KCNJ15: variants seen among roughly 807,000 people sequenced by gnomAD.
KCNJ15 encodes the protein potassium inwardly rectifying channel subfamily J member 15, also known as ATP-sensitive inward rectifier potassium channel 15.
In KCNJ15, 14 loss-of-function variants were observed where a neutral mutation model predicts 23.0. The ratio of observed to expected loss-of-function variants is 0.61; its 90% CI spans 0.40 to 0.95. The LOEUF (loss-of-function observed/expected upper bound fraction) is 0.95, where lower values mean the gene tolerates loss of function less well. Ranked by LOEUF, KCNJ15 falls within the 40% of genes least tolerant of loss-of-function variation. The probability of loss-of-function intolerance (pLI) is 0.00; values close to 1 mark genes in which losing one functional copy is unlikely to be tolerated. For synonymous variants in KCNJ15, 185 were observed against 183.2 expected, an observed-to-expected ratio of 1.01 and a Z score of -0.08; for missense variants, 388 against 461.8, an observed-to-expected ratio of 0.84 and a Z score of 1.46.
intron 1 of KCNJ15, among the ~76,000 whole-genome samples, chr21:38,282,616 T>C (rs1351623543): frequency 1.3e-5 from 2 of 152,162 alleles, no homozygotes; most frequent in African/African-American, 4.8e-5. Context: ...CTGGGATTCC[T>C]CTCTGACCTA....
intron 1 of KCNJ15, among the ~76,000 whole-genome samples, chr21:38,291,406 C>G (rs1984602709): frequency 6.6e-6 from 1 of 152,132 alleles, no homozygotes; most frequent in Non-Finnish European, 1.5e-5. Context: ...TTTTTTCCAG[C>G]AATTCTCAAC....
intron 1 of KCNJ15, among the ~76,000 whole-genome samples, chr21:38,243,458 A>ATCACTCCG (rs111986589): frequency 6.6e-6 from 1 of 151,320 alleles, no homozygotes; most frequent in Non-Finnish European, 1.5e-5. Context: ...GAGATGGAGT[A>ATCACTCCG]TCACCCAGGC....
At chr21:38,250,898 T>A (rs980950477) in intron 1 of KCNJ15, among the ~76,000 whole-genome samples, 1 of 152,198 alleles carries the variant, frequency 6.6e-6, no homozygotes, top group Non-Finnish European at 1.5e-5. Flanking sequence ...TCTTGGAGTG[T>A]TGGGTTCAAA....
Position 38,306,800 on chromosome 21 carries a change from A to G in KCNJ15, c.*6411A>G, listed in dbSNP as rs1350352758. 6.6e-6 allele frequency: 1 copy of G among 152,232 alleles called. No individual in the cohort carries two copies. Among genetic ancestry groups the G allele is most frequent in the African/African-American group, 2.4e-5 (1 of 41,464 alleles). 9.4% of individuals were successfully genotyped at this position (152,232 alleles called of 1,614,324 possible). On this transcript the variant is annotated 3_prime_UTR_variant, in exon 3 of 3. Coordinates refer to ENST00000398938, the MANE Select transcript of KCNJ15 (RefSeq NM_170736.3). ...TAAGTTACAAAAATAAGGCTTTTGT[A>G]AACAGAATCTCCATTCCAGAAGGAC...
At chr21:38,247,402 A>G (rs957427431) in intron 1 of KCNJ15, among the ~76,000 whole-genome samples, 1 of 151,988 alleles carries the variant, frequency 6.6e-6, no homozygotes, top group African/African-American at 2.4e-5. Flanking sequence ...GGATAAACGG[A>G]TGGATAGATG....
rs1181634311 is a variant in KCNJ15 at position 38,300,751 on chromosome 21, A to G, written c.*362A>G. ...TCTATACAAGATTATTAGCTGTAAT[A>G]CAAGATATTTATTTAACCAATGACC... On this transcript the variant is annotated 3_prime_UTR_variant, in exon 3 of 3. Coordinates refer to ENST00000398938, the MANE Select transcript of KCNJ15 (RefSeq NM_170736.3). 5.1e-6 allele frequency: 1 copy of G among 197,752 alleles called. No individual in the cohort carries two copies. The highest frequency in any genetic ancestry group is 2.4e-5 in the African/African-American group (1 of 42,268). The allele number at this position is 197,752 out of a possible 1,614,324, so 12.2% of individuals were successfully genotyped here. A position where few individuals can be genotyped will look rare whatever the true frequency, so the allele number is the denominator to read the frequency against.
chr21:38,282,982 G>A (rs1983516383), intron 1 of KCNJ15, among the ~76,000 whole-genome samples: 1 of 152,106 alleles, frequency 6.6e-6, no homozygotes, highest in Admixed American at 6.5e-5. Flanking sequence ...GAAGAAATAT[G>A]GAATAAAGGG....
rs931634121 is a variant in KCNJ15, at chr21:38,296,983, T to G, written c.-59T>G. The G allele has an allele frequency of 6.5e-6, 1 of 152,692 alleles. No individual in the cohort carries two copies. The highest frequency in any genetic ancestry group is 2.4e-5 in the African/African-American group (1 of 41,424). The allele number at this position is 152,692 out of a possible 1,614,324, so 9.5% of individuals were successfully genotyped here. A position where few individuals can be genotyped will look rare whatever the true frequency, so the allele number is the denominator to read the frequency against. On this transcript the variant is annotated 5_prime_UTR_variant, in exon 2 of 3. Transcript: ENST00000398938. ...TGAAGGGGAGCGAGGACGTTCTACC[T>G]GCCTTGAAGAAGACACCTGACCTGC...
intron 1 of KCNJ15, among the ~76,000 whole-genome samples, chr21:38,266,897 C>G (rs2123629540): frequency 6.6e-6 from 1 of 152,300 alleles, no homozygotes; most frequent in East Asian, 1.9e-4. Flanking sequence ...ACCCTTAAGC[C>G]TCTGCTGCAG....
chr21:38,259,966 C>G (rs976976597), intron 1 of KCNJ15, among the ~76,000 whole-genome samples: 10 of 152,114 alleles, frequency 6.6e-5, no homozygotes, highest in African/African-American at 2.4e-4. Context: ...TAAAAGAACA[C>G]AAGGAGCCTG....
At chr21:38,243,163 T>G (rs377122873) in intron 1 of KCNJ15, among the ~76,000 whole-genome samples, 1 of 152,146 alleles carries the variant, frequency 6.6e-6, no homozygotes, top group Non-Finnish European at 1.5e-5. Context: ...ACTTTAAAAT[T>G]GTTTATCTTC....
intron 1 of KCNJ15, among the ~76,000 whole-genome samples, chr21:38,273,305 C>G (rs902670146): frequency 6.6e-6 from 1 of 152,174 alleles, no homozygotes; most frequent in Admixed American, 6.5e-5. Context: ...CTGGTTAACT[C>G]TTACTGGCAA....
chr21:38,243,049 T>G (rs1017842137), intron 1 of KCNJ15, among the ~76,000 whole-genome samples: 4 of 152,224 alleles, frequency 2.6e-5, no homozygotes, highest in African/African-American at 9.7e-5. Flanking sequence ...TTCAGCTCAG[T>G]TATTGAACTT....
Position 38,299,219 on chromosome 21 carries a change from G to A in KCNJ15, c.-18-25G>A. 1 of 1,545,308 alleles carries A rather than the reference G, an allele frequency of 6.5e-7. No individual in the cohort carries two copies. Among genetic ancestry groups the A allele is most frequent in the Admixed American group, 1.9e-5 (1 of 53,610 alleles). ...AAGTTCCACCACATATGGCGATAAT[G>A]AAACATCTTTGTCATTTCTCTAAGT... is the stretch of plus-strand genomic sequence containing the variant. On this transcript the variant is annotated intron_variant, in intron 2 of 2. Transcript: ENST00000398938. The surrounding 1 kb of genome is among the most constrained non-coding windows in gnomAD (Gnocchi z 4.5).
Position 38,275,501 on chromosome 21 carries a change from G to A in KCNJ15, c.-117+18316G>A, listed in dbSNP as rs1435541772. 7.0e-4 allele frequency among the ~76,000 whole-genome samples: 92 copies of A among 131,734 alleles called. 1 individual carries two copies. The highest frequency in any genetic ancestry group is 4.9e-3 in the Middle Eastern group (1 of 206). 86.4% of individuals were successfully genotyped at this position (131,734 alleles called of 152,430 possible). The stretch of plus-strand genomic sequence containing the variant: ...CACTCCACTGCACTCCAGCCTGGGC[G>A]ACAGACCGAAACTCCGTCAAAAAAA... On this transcript the variant is annotated intron_variant, in intron 1 of 2. Transcript: ENST00000398938.
In KCNJ15 at chr21:38,231,598, G is replaced by T. The variant is rs527873341; in HGVS notation, c.-398-25448G>T. On this transcript the variant is annotated intron_variant, in intron 1 of 4. Coordinates refer to the KCNJ15 transcript ENST00000547341. ...ATTTTGTATTGTTTGTTTTGTTTTT[G>T]TAGATACCCTTCATCAAGCTGAAGA... Among the ~76,000 whole-genome samples the T allele has an allele frequency of 1.4e-3, 207 of 151,882 alleles. 1 individual carries two copies. Among genetic ancestry groups the T allele is most frequent in the African/African-American group, 4.7e-3 (195 of 41,514 alleles).
chr21:38,294,318 T>A (rs1984925412), intron 1 of KCNJ15, among the ~76,000 whole-genome samples: 1 of 152,058 alleles, frequency 6.6e-6, no homozygotes, highest in African/African-American at 2.4e-5. Flanking sequence ...AAAAGTGAGA[T>A]CCACCACAAG....
chr21:38,272,776 G>A (rs1982239959), intron 1 of KCNJ15, among the ~76,000 whole-genome samples: 2 of 152,188 alleles, frequency 1.3e-5, no homozygotes, highest in South Asian at 2.1e-4. Flanking sequence ...AACTACCAGC[G>A]CTTAACAATG....
intron 1 of KCNJ15, among the ~76,000 whole-genome samples, chr21:38,258,932 C>T (rs1339172117): frequency 1.3e-5 from 2 of 152,074 alleles, no homozygotes; most frequent in Admixed American, 1.3e-4. Flanking sequence ...GGGCTCTTTC[C>T]CATAAGGCTC....
Sources: gnomAD v4.1 joint callset for allele counts (sites outside exome capture counted in the v4.1 genomes callset) on GRCh38, gnomAD v4.1.1 for gene constraint, Gnocchi (gnomAD v3.1) non-coding constraint, MANE v1.5 for transcripts, NCBI Gene and HGNC (gene_info 2026-07-23, HGNC 2026-07-21) for gene names.